Variants in NWD1 observed in about 807,000 individuals in gnomAD.
NWD1 encodes the protein NACHT and WD repeat domain containing 1, also known as NACHT domain- and WD repeat-containing protein 1.
NWD1 carries 129 observed loss-of-function variants against 135.1 expected under a neutral mutation model. The observed-to-expected ratio is 0.96, with a 90% CI of 0.83 to 1.11. The LOEUF (loss-of-function observed/expected upper bound fraction) is 1.11. NWD1 is among the 50% of genes least tolerant of loss of function. The pLI is 0.00. For missense variants in NWD1, 1,740 were observed against 1,851.3 expected (o/e 0.94, Z 1.10); for synonymous variants, 773 against 786.0 (o/e 0.98, Z 0.28).
intron 10 of NWD1, among the ~76,000 whole-genome samples, chr19:16,766,369 T>C (rs1451318762): frequency 2.0e-5 from 3 of 152,044 alleles, no homozygotes; most frequent in African/African-American, 7.2e-5. Context: ...TCCGCTGCAT[T>C]CCAGCCTGGG....
At chr19:16,763,059 C>A (rs759798259) in intron 8 of NWD1, among the ~76,000 whole-genome samples, 2 of 152,068 alleles carry the variant, frequency 1.3e-5, no homozygotes, top group South Asian at 2.1e-4. Context: ...AGATTACAGG[C>A]GTGTAATTAC....
rs555360685 is a variant in NWD1, at chr19:16,744,661, G to A, written c.439G>A (p.Glu147Lys). ...LTSVLRSGAQ[E>K]ARRLGLITQE... Reference sequence around the variant, plus strand: ...TTCTGTCCTACGCTCTGGAGCCCAGGAGGCCCGGAGGCTGGGGCTCATCAC... The same window carrying A: ...TTCTGTCCTACGCTCTGGAGCCCAGAAGGCCCGGAGGCTGGGGCTCATCAC... The change falls in exon 5 of 19, where the codon GAG (glutamate) becomes AAG (lysine). Residue 147 changes from glutamate to lysine, a missense_variant. Glu to Lys is a moderately conservative substitution (Grantham distance 56). Transcript: ENST00000524140. 1.3e-4 allele frequency: 197 copies of A among 1,536,052 alleles called. No individual in the cohort carries two copies. In the African/African-American group the frequency reaches 2.6e-3, roughly 20 times the overall value.
At chr19:16,794,753 CA>C (rs569775111) in intron 15 of NWD1, among the ~76,000 whole-genome samples, 200 bp downstream of exon 15, 54 of 152,286 alleles carry the variant, frequency 3.5e-4, no homozygotes, top group African/African-American at 1.3e-3. Flanking sequence ...AGTTGTGGTA[CA>C]TAAACTAGCA....
chr19:16,784,496 A>G (rs1228494858), intron 12 of NWD1, among the ~76,000 whole-genome samples: 7 of 152,086 alleles, frequency 4.6e-5, no homozygotes, highest in African/African-American at 1.4e-4. Flanking sequence ...GCAGGGGTGA[A>G]GGAAGGGCAG....
intron 5 of NWD1, among the ~76,000 whole-genome samples, chr19:16,746,145 C>T (rs59759513): frequency 0.33 from 49,660 of 149,098 alleles, 8,269 homozygotes; most frequent in Middle Eastern, 0.5. Flanking sequence ...ACTTGAGCCC[C>T]GAGTTGGAGA....
intron 5 of NWD1, among the ~76,000 whole-genome samples, chr19:16,747,830 G>A (rs775863320): frequency 5.9e-5 from 9 of 152,142 alleles, no homozygotes; most frequent in Non-Finnish European, 1.0e-4. Context: ...ATGGCCTTTT[G>A]TGTCTGGCTT....
At chr19:16,804,236 G>C (rs1265016686) in intron 17 of NWD1, among the ~76,000 whole-genome samples, 1 of 152,118 alleles carries the variant, frequency 6.6e-6, no homozygotes, top group African/African-American at 2.4e-5. Flanking sequence ...ACCAGTCTTA[G>C]TCAATTCCGG....
At chr19:16,786,648 G>C (rs1970049970) in intron 12 of NWD1, among the ~76,000 whole-genome samples, 1 of 152,050 alleles carries the variant, frequency 6.6e-6, no homozygotes, top group Non-Finnish European at 1.5e-5. Flanking sequence ...CCAGGTTCAA[G>C]CGAGTTTCCT....
chr19:16,791,655 T>G (rs1411714373), intron 14 of NWD1, 33 bp downstream of exon 14: 1 of 1,600,666 alleles, frequency 6.2e-7, no homozygotes, highest in Non-Finnish European at 8.6e-7. Flanking sequence ...ATGTGAACAT[T>G]AACTCAGCTT....
At chr19:16,795,871 A>G (rs571954503) in intron 15 of NWD1, among the ~76,000 whole-genome samples, 1 of 152,250 alleles carries the variant, frequency 6.6e-6, no homozygotes, top group East Asian at 1.9e-4. Flanking sequence ...TCTGCCATCA[A>G]GGACAGAGGG....
At chr19:16,742,529 C>T (rs904495057) in intron 4 of NWD1, among the ~76,000 whole-genome samples, 1 of 152,072 alleles carries the variant, frequency 6.6e-6, no homozygotes, top group South Asian at 2.1e-4. Flanking sequence ...CATCCCCAGG[C>T]CCCTGTTTCC....
rs75226566 is a variant in NWD1, at chr19:16,744,646, C to T, written c.424C>T (p.Arg142Cys). The T allele has an allele frequency of 4.2e-3, 6,401 of 1,535,636 alleles. 211 individuals are homozygous for T. In the African/African-American group the frequency reaches 0.074, roughly 18 times the overall value. Reference protein sequence around the residue: ...PEEATLTSVLRSGAQEARRLG... With the variant: ...PEEATLTSVLCSGAQEARRLG... ...GGAGGCCACCTTAACTTCTGTCCTA[C>T]GCTCTGGAGCCCAGGAGGCCCGGAG... The change falls in exon 5 of 19, where the codon CGC becomes TGC. Residue 142 changes from arginine to cysteine, a missense_variant. Transcript: ENST00000524140.
chr19:16,758,449 A>G (rs773844), intron 6 of NWD1, among the ~76,000 whole-genome samples: 57,668 of 151,714 alleles, frequency 0.38, 11,453 homozygotes, highest in Middle Eastern at 0.52. Context: ...GCTAATTTTT[A>G]AATTTTTTTG....
chr19:16,764,933 C>T (rs1969164150), intron 9 of NWD1, 101 bp from the exon 10 acceptor site: 1 of 1,288,604 alleles, frequency 7.8e-7, no homozygotes, highest in African/African-American at 1.5e-5. Flanking sequence ...ACTGCTGAGC[C>T]TGAGATGCCC....
Position 16,812,360 on chromosome 19 carries a change from A to T in NWD1, c.4288-2668A>T, listed in dbSNP as rs114348241. Among the ~76,000 whole-genome samples, 1,164 of 151,524 alleles carry T rather than the reference A, an allele frequency of 7.7e-3. 20 individuals are homozygous for T. Among genetic ancestry groups the T allele is most frequent in the African/African-American group, 0.027 (1,123 of 41,054 alleles). On this transcript the variant is annotated intron_variant, in intron 18 of 18. Coordinates refer to ENST00000524140, the MANE Select transcript of NWD1 (RefSeq NM_001007525.5). ...GGGGCTGGTTTCCTGGGTGTCTTTC[A>T]GTTTGGAATCAAGATCATATTGTCT... is the stretch of plus-strand genomic sequence containing the variant.
intron 17 of NWD1, 84 bp downstream of exon 17, chr19:16,800,246 C>T (rs1970563473): frequency 7.4e-7 from 1 of 1,353,862 alleles, no homozygotes; most frequent in Non-Finnish European, 1.0e-6. Flanking sequence ...ACAAATCATC[C>T]CCACAGGCTG....
At chr19:16,723,676 C>CTGTTT (rs60100795) in intron 1 of NWD1, among the ~76,000 whole-genome samples, 6,589 of 149,752 alleles carry the variant, frequency 0.044, 307 homozygotes, top group African/African-American at 0.12. Context: ...ACAGCTTTTT[C>CTGTTT]TGTTTTGTTT....
intron 11 of NWD1, among the ~76,000 whole-genome samples, chr19:16,778,465 C>A (rs1312276830): frequency 6.8e-6 from 1 of 146,754 alleles, no homozygotes; most frequent in Non-Finnish European, 1.5e-5. Context: ...TTCTTTCTTT[C>A]TTTTCTTTTC....
At chr19:16,758,153 G>A (rs1261618950) in intron 6 of NWD1, among the ~76,000 whole-genome samples, 1 of 152,140 alleles carries the variant, frequency 6.6e-6, no homozygotes, top group African/African-American at 2.4e-5. Context: ...CTTGAAAGGT[G>A]CTTCACACAA....
Sources: gnomAD v4.1 joint callset for allele counts (sites outside exome capture counted in the v4.1 genomes callset) on GRCh38, gnomAD v4.1.1 for gene constraint, MANE v1.5 for transcripts, NCBI Gene and HGNC (gene_info 2026-07-23, HGNC 2026-07-21) for gene names.